REL: variants seen among roughly 807,000 people sequenced by gnomAD.
REL encodes the protein REL proto-oncogene, NF-kB subunit.
A neutral mutation model predicts 45.9 loss-of-function variants in REL; 15 were observed. That is an observed-to-expected ratio of 0.33 (90% confidence interval 0.22 to 0.50). REL has a LOEUF of 0.50. REL is among the 20% of genes least tolerant of loss of function. The pLI, the probability that REL is intolerant of heterozygous loss-of-function variation, is 0.98. For synonymous variants in REL, 239 were observed against 242.1 expected (o/e 0.99, Z 0.12); for missense variants, 601 against 715.2 (o/e 0.84, Z 1.82).
At chr2:60,884,731 T>C (rs1373798092) in intron 1 of REL, among the ~76,000 whole-genome samples, 1 of 152,190 alleles carries the variant, frequency 6.6e-6, no homozygotes, top group Non-Finnish European at 1.5e-5. Flanking sequence ...TTTATTTTTC[T>C]TCACATTTTT....
rs1159646257 is a variant in REL, at chr2:60,926,931, T to C, written c.*4396T>C. The C allele has an allele frequency of 1.3e-5, 3 of 225,310 alleles. No individual in the cohort carries two copies. Among genetic ancestry groups the C allele is most frequent in the African/African-American group, 2.2e-5 (1 of 44,898 alleles). 14.0% of individuals were successfully genotyped at this position (225,310 alleles called of 1,614,324 possible). A position where few individuals can be genotyped will look rare whatever the true frequency, so the allele number is the denominator to read the frequency against. Reference sequence around the variant, plus strand: ...CATGTTCTCCCTATTCCTTATTACATAGCTAGCATTCCTTGAAAAAAAACA... The same window carrying C: ...CATGTTCTCCCTATTCCTTATTACACAGCTAGCATTCCTTGAAAAAAAACA... On this transcript the variant is annotated 3_prime_UTR_variant, in exon 10 of 10. Transcript: ENST00000394479.
intron 4 of REL, among the ~76,000 whole-genome samples, chr2:60,910,382 G>T (rs1016060056): frequency 6.6e-6 from 1 of 150,866 alleles, no homozygotes; most frequent in Non-Finnish European, 1.5e-5. Context: ...GGAGAATGGC[G>T]TGAACCCGGG....
At chr2:60,907,760 G>A (rs1177641148) in intron 4 of REL, among the ~76,000 whole-genome samples, 2 of 150,154 alleles carry the variant, frequency 1.3e-5, no homozygotes, top group African/African-American at 2.5e-5. Flanking sequence ...GTGTGATCTC[G>A]GCTCACTGCA....
intron 1 of REL, among the ~76,000 whole-genome samples, chr2:60,883,448 C>T (rs1029200522): frequency 2.0e-5 from 3 of 152,126 alleles, no homozygotes; most frequent in East Asian, 1.9e-4. Context: ...TTCAGATAAT[C>T]GTGTAAATTT....
intron 3 of REL, chr2:60,900,117 C>G (rs1483356525): frequency 1.3e-5 from 2 of 152,188 alleles, no homozygotes; most frequent in African/African-American, 4.8e-5. Context: ...GGCTTAGTCC[C>G]TAGCCTGTTG....
intron 3 of REL, among the ~76,000 whole-genome samples, chr2:60,894,997 C>G (rs1462379748): frequency 6.6e-6 from 1 of 151,584 alleles, no homozygotes; most frequent in Non-Finnish European, 1.5e-5. Context: ...GCTGGGATTA[C>G]AGGCATGCAC....
intron 3 of REL, among the ~76,000 whole-genome samples, chr2:60,896,862 T>C (rs1444051878): frequency 6.6e-6 from 1 of 152,190 alleles, no homozygotes; most frequent in Admixed American, 6.5e-5. Flanking sequence ...GTTCCAACTC[T>C]CTCCCCAATT....
chr2:60,924,496 G>A lies in REL; in HGVS notation c.*1961G>A, dbSNP rs191013926. The A allele has an allele frequency of 8.8e-5, 19 of 216,532 alleles. No individual in the cohort carries two copies. In the Middle Eastern group the frequency reaches 4.3e-3, roughly 50 times the overall value. The allele number at this position is 216,532 out of a possible 1,614,324, so 13.4% of individuals were successfully genotyped here. A position where few individuals can be genotyped will look rare whatever the true frequency, so the allele number is the denominator to read the frequency against. On this transcript the variant is annotated 3_prime_UTR_variant, in exon 10 of 10. Transcript: ENST00000394479. ...TTACTTAGTGTGACATTGGGTTTATGAGAATCGTGTACATTCAAGTCCAGG... is the reference window on the plus strand; with the variant it reads ...TTACTTAGTGTGACATTGGGTTTATAAGAATCGTGTACATTCAAGTCCAGG...
At chr2:60,913,133 T>A (rs550347433) in intron 4 of REL, among the ~76,000 whole-genome samples, 9 of 152,318 alleles carry the variant, frequency 5.9e-5, no homozygotes. Flanking sequence ...TGATTCCTTT[T>A]TTTCAGTTTC....
At position 60,920,659 on chromosome 2, in the gene REL, A is replaced by T. The variant is rs772132456; in HGVS notation, c.991+17A>T. The T allele has an allele frequency of 6.0e-6, 9 of 1,494,360 alleles. No homozygotes were observed. The South Asian group carries it at 1.0e-4, about 17-fold the overall frequency. 92.6% of individuals were successfully genotyped at this position (1,494,360 alleles called of 1,614,324 possible). ...TCAAAAAAGGTATTTTATTTCCTAT[A>T]GCATATTTCTTGTGATCAGAAAGAC... On this transcript the variant is annotated intron_variant, in intron 9 of 9. Transcript: ENST00000394479.
chr2:60,890,536 A>T (rs1673183359), intron 1 of REL, among the ~76,000 whole-genome samples: 1 of 152,172 alleles, frequency 6.6e-6, no homozygotes, highest in African/African-American at 2.4e-5. Flanking sequence ...TAAGGGACAC[A>T]TTATTATTAT....
At position 60,881,853 on chromosome 2, in the gene REL, G is replaced by T. The variant is rs1350957463; in HGVS notation, c.10+3G>T. 2.0e-6 allele frequency: 3 copies of T among 1,500,848 alleles called. No homozygotes were observed. In the Admixed American group the frequency reaches 6.5e-5, roughly 32 times the overall value. The allele number at this position is 1,500,848 out of a possible 1,614,324, so 93.0% of individuals were successfully genotyped here. A position where few individuals can be genotyped will look rare whatever the true frequency, so the allele number is the denominator to read the frequency against. ...GGGGAGCGGAGCCATGGCCTCCGGT[G>T]AGTGTTCATGGGGCGCGGGCCTGGG... On this transcript the variant is annotated splice_donor_region_variant and intron_variant, in intron 1 of 9. Coordinates refer to ENST00000394479, the MANE Select transcript of REL (RefSeq NM_001291746.2).
Position 60,929,291 on chromosome 2 carries a change from T to C in REL, c.*6756T>C, listed in dbSNP as rs1173460057. The C allele has an allele frequency of 7.5e-5, 11 of 145,834 alleles. No individual in the cohort carries two copies. The highest frequency in any genetic ancestry group is 7.5e-4 in the Admixed American group (11 of 14,648). The allele number at this position is 145,834 out of a possible 1,614,324, so 9.0% of individuals were successfully genotyped here. ...TTCCTCAGGGATGTAGAACTGGAAA[T>C]ACCGTTTGACCCAGCCATCCCATTA... is the stretch of plus-strand genomic sequence containing the variant. On this transcript the variant is annotated 3_prime_UTR_variant, in exon 10 of 10. Transcript: ENST00000394479.
chr2:60,886,039 C>A (rs1324237442), intron 1 of REL, among the ~76,000 whole-genome samples: 1 of 152,122 alleles, frequency 6.6e-6, no homozygotes, highest in Non-Finnish European at 1.5e-5. Context: ...TACTCACGTC[C>A]CAGTCCATAT....
intron 3 of REL, 54 bp downstream of exon 3, chr2:60,894,599 T>C: frequency 7.5e-7 from 1 of 1,339,530 alleles, no homozygotes; most frequent in African/African-American, 1.5e-5. Context: ...TAGGATGTTC[T>C]GTTTCTTCTC....
rs559969158 is a variant in REL, at chr2:60,907,473, A to G, written c.394+6390A>G. Reference sequence around the variant, plus strand: ...AGCCTGGGCAATGTGGTGAAACCCCATCTCTACAAAAAATTGGCTGGGCAT... The same window carrying G: ...AGCCTGGGCAATGTGGTGAAACCCCGTCTCTACAAAAAATTGGCTGGGCAT... On this transcript the variant is annotated intron_variant, in intron 4 of 9. Transcript: ENST00000394479. 3.2e-3 allele frequency among the ~76,000 whole-genome samples: 490 copies of G among 151,858 alleles called. 6 individuals carry two copies. The highest frequency in any genetic ancestry group is 0.011 in the African/African-American group (470 of 41,464).
At position 60,927,817 on chromosome 2, in the gene REL, CA is replaced by C; in HGVS notation, c.*5283del. The C allele has an allele frequency of 4.4e-6, 1 of 227,720 alleles. No individual in the cohort carries two copies. Among genetic ancestry groups the C allele is most frequent in the Non-Finnish European group, 8.7e-6 (1 of 114,548 alleles). 14.1% of individuals were successfully genotyped at this position (227,720 alleles called of 1,614,324 possible). A position where few individuals can be genotyped will look rare whatever the true frequency, so the allele number is the denominator to read the frequency against. On this transcript the variant is annotated 3_prime_UTR_variant, in exon 10 of 10. Transcript: ENST00000394479. The stretch of plus-strand genomic sequence containing the variant: ...TGTATGTTAACACCCATGTCACCAC[CA>C]TGTTTAGGACATTTCCAGCACCCCT...
chr2:60,907,612 T>C (rs1673697089), intron 4 of REL, among the ~76,000 whole-genome samples: 1 of 151,926 alleles, frequency 6.6e-6, no homozygotes, highest in South Asian at 2.1e-4. Context: ...TCAGCCTGGG[T>C]GACAGTGAGA....
At chr2:60,883,023 G>A (rs1672984541) in intron 1 of REL, among the ~76,000 whole-genome samples, 1 of 152,148 alleles carries the variant, frequency 6.6e-6, no homozygotes, top group Non-Finnish European at 1.5e-5. Context: ...GATAAATCAA[G>A]TAGCCTGGGG....
Sources: gnomAD v4.1 joint callset for allele counts (sites outside exome capture counted in the v4.1 genomes callset) on GRCh38, gnomAD v4.1.1 for gene constraint, MANE v1.5 for transcripts, NCBI Gene and HGNC (gene_info 2026-07-23, HGNC 2026-07-21) for gene names.